Variants in PRKN observed in about 807,000 individuals in gnomAD.
PRKN encodes parkin RBR E3 ubiquitin protein ligase.
PRKN carries 56 observed loss-of-function variants against 59.5 expected under a neutral mutation model. That is an observed-to-expected ratio of 0.94 (90% CI 0.76 to 1.18). PRKN has a LOEUF of 1.18. PRKN is among the 50% of genes most tolerant of loss of function. The pLI, the probability that PRKN is intolerant of heterozygous loss-of-function variation, is 0.00. For missense variants in PRKN, 657 were observed against 596.4 expected, an observed-to-expected ratio of 1.10 and a Z score of -1.06; for synonymous variants, 250 against 222.1, an observed-to-expected ratio of 1.13 and a Z score of -1.12.
intron 1 of PRKN, among the ~76,000 whole-genome samples, chr6:162,508,691 G>A (rs1419099102): frequency 6.6e-6 from 1 of 152,044 alleles, no homozygotes; most frequent in African/African-American, 2.4e-5. Context: ...ACTCTTTAAG[G>A]ACTTTCAAGC....
chr6:162,141,994 C>A (rs1310882773), intron 4 of PRKN, among the ~76,000 whole-genome samples: 3 of 152,162 alleles, frequency 2.0e-5, no homozygotes, highest in Non-Finnish European at 4.4e-5. Flanking sequence ...GTCCCGTTTA[C>A]TATTTTGACT....
At chr6:162,638,858 C>T (rs533805914) in intron 1 of PRKN, among the ~76,000 whole-genome samples, 9 of 151,414 alleles carry the variant, frequency 5.9e-5, no homozygotes, top group Middle Eastern at 6.8e-3. Context: ...GATTCTCCTG[C>T]CTCGGCCTCC....
At chr6:161,510,779 A>G (rs950328279) in intron 9 of PRKN, among the ~76,000 whole-genome samples, 1 of 152,180 alleles carries the variant, frequency 6.6e-6, no homozygotes, top group Non-Finnish European at 1.5e-5. Flanking sequence ...AAAGCAAATG[A>G]TAGAGGATAT....
intron 9 of PRKN, among the ~76,000 whole-genome samples, chr6:161,501,960 T>C (rs1351774870): frequency 6.6e-6 from 1 of 152,174 alleles, no homozygotes; most frequent in Non-Finnish European, 1.5e-5. Flanking sequence ...GATATAACAC[T>C]ACGTTTCTAA....
intron 1 of PRKN, among the ~76,000 whole-genome samples, chr6:162,567,913 C>T (rs1780148967): frequency 6.6e-6 from 1 of 152,164 alleles, no homozygotes; most frequent in Non-Finnish European, 1.5e-5. Flanking sequence ...GGCATAAAAA[C>T]AGACACACAG....
At chr6:162,568,459 G>T in intron 1 of PRKN, 2 of 630,826 alleles carry the variant, frequency 3.2e-6, no homozygotes, top group Admixed American at 4.4e-5. Flanking sequence ...GGCCTGGGTG[G>T]AGGCTCTGGT....
chr6:162,028,915 A>G (rs1249994001), intron 5 of PRKN, among the ~76,000 whole-genome samples: 2 of 152,240 alleles, frequency 1.3e-5, no homozygotes, highest in Admixed American at 6.5e-5. Flanking sequence ...GGGTGCTGTG[A>G]ACGCACATTT....
chr6:162,168,280 C>T (rs547223891), intron 4 of PRKN, among the ~76,000 whole-genome samples: 2 of 152,064 alleles, frequency 1.3e-5, no homozygotes, highest in South Asian at 4.1e-4. Flanking sequence ...TAGGTACAGG[C>T]TTAAAGAATG....
chr6:162,459,448 A>G (rs1400176717), intron 1 of PRKN, among the ~76,000 whole-genome samples: 1 of 152,160 alleles, frequency 6.6e-6, no homozygotes, highest in East Asian at 1.9e-4. Context: ...CAGTAAAAGG[A>G]AGTCTTTGGC....
At chr6:161,890,385 T>C (rs1370705105) in intron 6 of PRKN, among the ~76,000 whole-genome samples, 4 of 152,178 alleles carry the variant, frequency 2.6e-5, no homozygotes, top group Non-Finnish European at 5.9e-5. Context: ...TGGCATCGCA[T>C]CACACTCAGT....
At chr6:161,683,888 A>G (rs1479379153) in intron 7 of PRKN, among the ~76,000 whole-genome samples, 3 of 152,138 alleles carry the variant, frequency 2.0e-5, no homozygotes, top group African/African-American at 7.2e-5. Flanking sequence ...TAAATGAGAG[A>G]ATATAGGGCT....
Position 161,578,582 on chromosome 6 carries a change from A to C in PRKN, c.872-9166T>G, listed in dbSNP as rs768482281. ...TCAACTCCAATCAGTTTCCCACTTG[A>C]AAGATCTGCAATAAGCGCTTAAGCC... On this transcript the variant is annotated intron_variant, in intron 7 of 11. Transcript: ENST00000366898. The surrounding 1 kb of genome is among the most constrained non-coding windows in gnomAD (Gnocchi z 4.2). Among the ~76,000 whole-genome samples the C allele has an allele frequency of 1.3e-5, 2 of 152,142 alleles. No homozygotes were observed. Among genetic ancestry groups the C allele is most frequent in the Non-Finnish European group, 2.9e-5 (2 of 68,028 alleles).
At chr6:161,998,018 T>G (rs1256839886) in intron 5 of PRKN, among the ~76,000 whole-genome samples, 1 of 152,094 alleles carries the variant, frequency 6.6e-6, no homozygotes, top group Non-Finnish European at 1.5e-5. Context: ...ATGGCAATAA[T>G]GTGGAAATAA....
chr6:162,284,802 A>G (rs1310423865), intron 2 of PRKN, among the ~76,000 whole-genome samples: 1 of 152,148 alleles, frequency 6.6e-6, no homozygotes, highest in Non-Finnish European at 1.5e-5. Context: ...ACAAGTTGCT[A>G]TTTACTGCCA....
chr6:162,486,861 G>C (rs1485090620), intron 1 of PRKN, among the ~76,000 whole-genome samples: 1 of 152,032 alleles, frequency 6.6e-6, no homozygotes, highest in African/African-American at 2.4e-5. Flanking sequence ...CCTGAGGTCA[G>C]GAGTTCAAGA....
chr6:162,644,215 T>C (rs1052706641), intron 1 of PRKN, among the ~76,000 whole-genome samples: 7 of 152,104 alleles, frequency 4.6e-5, no homozygotes, highest in Admixed American at 6.6e-5. Flanking sequence ...CTCCTCCTCC[T>C]GCCACCCAGA....
intron 4 of PRKN, among the ~76,000 whole-genome samples, chr6:162,088,741 G>T (rs1779355624): frequency 6.6e-6 from 1 of 152,124 alleles, no homozygotes; most frequent in Non-Finnish European, 1.5e-5. Flanking sequence ...AAACTGCCAA[G>T]AAGAAAAGTC....
At chr6:162,469,519 C>T (rs1169838853) in intron 1 of PRKN, among the ~76,000 whole-genome samples, 1 of 151,356 alleles carries the variant, frequency 6.6e-6, no homozygotes, top group African/African-American at 2.4e-5. Context: ...TACACACACA[C>T]ACACACACAC....
intron 7 of PRKN, among the ~76,000 whole-genome samples, chr6:161,615,479 A>G (rs1782658533): frequency 6.6e-6 from 1 of 152,262 alleles, no homozygotes; most frequent in Admixed American, 6.5e-5. Context: ...TAGCTAGGAA[A>G]AAACAGCAGA....
Sources: allele counts gnomAD v4.1 joint callset (sites outside exome capture counted in the v4.1 genomes callset), GRCh38; gene constraint gnomAD v4.1.1; non-coding constraint Gnocchi (gnomAD v3.1); transcripts MANE v1.5; gene names NCBI Gene and HGNC (gene_info 2026-07-23, HGNC 2026-07-21).